Variants in EPHA6 observed in about 807,000 individuals in gnomAD.
The protein encoded by EPHA6 is EPH receptor A6, also known as ephrin type-A receptor 6.
Under a neutral mutation model 112.0 loss-of-function variants are expected in EPHA6, and 50 were observed. The observed-to-expected ratio is 0.45, with a 90% CI of 0.36 to 0.56. The LOEUF (loss-of-function observed/expected upper bound fraction) is 0.56. Ranked by LOEUF, EPHA6 falls within the 20% of genes least tolerant of loss-of-function variation. The probability of loss-of-function intolerance (pLI) is 0.00; values close to 1 mark genes in which losing one functional copy is unlikely to be tolerated. For missense variants in EPHA6, 1,280 were observed against 1,417.4 expected (o/e 0.90, Z 1.56); for synonymous variants, 529 against 490.7 (o/e 1.08, Z -1.03).
intron 3 of EPHA6, among the ~76,000 whole-genome samples, chr3:97,106,061 C>G (rs774624327): frequency 4.0e-5 from 6 of 151,882 alleles, no homozygotes; most frequent in Non-Finnish European, 7.4e-5. Context: ...TGAGATGGGT[C>G]TTTTGAACAC....
At chr3:97,243,871 T>C in intron 4 of EPHA6, 81 bp from the exon 5 acceptor site, 1 of 1,035,396 alleles carries the variant, frequency 9.7e-7, no homozygotes, top group South Asian at 1.7e-5. Context: ...GCAACAAGTG[T>C]TTATTGATGA....
intron 5 of EPHA6, among the ~76,000 whole-genome samples, chr3:97,330,123 G>A (rs1576992394): frequency 6.6e-6 from 1 of 151,830 alleles, no homozygotes; most frequent in African/African-American, 2.4e-5. Flanking sequence ...AGATCAGATG[G>A]TTGTAGATAT....
chr3:96,920,048 A>G (rs1356638473), intron 2 of EPHA6, among the ~76,000 whole-genome samples: 5 of 151,968 alleles, frequency 3.3e-5, no homozygotes, highest in Admixed American at 1.3e-4. Flanking sequence ...CTTAAAGACT[A>G]CTGAAAATAC....
chr3:97,169,727 T>C (rs2076640592), intron 3 of EPHA6, among the ~76,000 whole-genome samples: 1 of 152,204 alleles, frequency 6.6e-6, no homozygotes, highest in Non-Finnish European at 1.5e-5. Flanking sequence ...TTCCTTTTTC[T>C]CATTTTACCT....
intron 11 of EPHA6, among the ~76,000 whole-genome samples, chr3:97,555,396 G>T (rs2093091640): frequency 6.6e-6 from 1 of 152,074 alleles, no homozygotes; most frequent in Non-Finnish European, 1.5e-5. Flanking sequence ...ACATACGTGT[G>T]CATGTGTCTT....
chr3:96,885,678 G>GT (rs1291060234), intron 2 of EPHA6, among the ~76,000 whole-genome samples: 4 of 151,388 alleles, frequency 2.6e-5, no homozygotes, highest in African/African-American at 7.3e-5. Context: ...AAGAACCAGG[G>GT]TTTTTTTTCA....
intron 11 of EPHA6, among the ~76,000 whole-genome samples, chr3:97,543,346 T>A (rs1014638984): frequency 6.6e-6 from 1 of 152,180 alleles, no homozygotes; most frequent in Non-Finnish European, 1.5e-5. Context: ...ATTTATTAAA[T>A]AGGGAATCCT....
chr3:97,666,026 C>A (rs2030060255), intron 14 of EPHA6, among the ~76,000 whole-genome samples: 1 of 149,460 alleles, frequency 6.7e-6, no homozygotes, highest in Admixed American at 6.7e-5. Flanking sequence ...CGTTACACTC[C>A]AGCTGGGGAG....
intron 4 of EPHA6, among the ~76,000 whole-genome samples, chr3:97,235,991 C>A (rs1453452316): frequency 3.3e-5 from 5 of 151,806 alleles, no homozygotes; most frequent in Admixed American, 3.3e-4. Flanking sequence ...AAAAAGAAAG[C>A]TGAATGTTTT....
At chr3:97,481,544 G>C (rs1013119685) in intron 9 of EPHA6, 6 of 768,570 alleles carry the variant, frequency 7.8e-6, no homozygotes. Context: ...GGGGTCCCTA[G>C]AGCCGCCGGG....
intron 4 of EPHA6, among the ~76,000 whole-genome samples, chr3:97,232,673 T>C (rs1192975425): frequency 6.6e-6 from 1 of 152,268 alleles, no homozygotes; most frequent in East Asian, 1.9e-4. Context: ...TGAAAGTTTA[T>C]TAAAATGTTT....
At chr3:96,924,128 T>C (rs1433521996) in intron 2 of EPHA6, among the ~76,000 whole-genome samples, 1 of 152,204 alleles carries the variant, frequency 6.6e-6, no homozygotes, top group Non-Finnish European at 1.5e-5. Flanking sequence ...CCATTTGGGC[T>C]CTTTTTAAAG....
intron 3 of EPHA6, among the ~76,000 whole-genome samples, chr3:97,045,384 G>A (rs955915096): frequency 1.4e-4 from 22 of 151,910 alleles, no homozygotes; most frequent in Non-Finnish European, 2.9e-4. Context: ...TAAAATTGCC[G>A]TAAATAGCAT....
intron 11 of EPHA6, among the ~76,000 whole-genome samples, chr3:97,555,300 G>A (rs1470476761): frequency 1.3e-5 from 2 of 152,058 alleles, no homozygotes; most frequent in East Asian, 3.9e-4. Context: ...TGGTGTATAT[G>A]TGCCACATTT....
chr3:97,445,049 C>T (rs1286280492), intron 6 of EPHA6, among the ~76,000 whole-genome samples: 2 of 152,012 alleles, frequency 1.3e-5, no homozygotes, highest in Non-Finnish European at 2.9e-5. Context: ...CAGTGCTCTA[C>T]GTTCACACTA....
intron 5 of EPHA6, among the ~76,000 whole-genome samples, chr3:97,347,831 A>G (rs2083605393): frequency 6.6e-6 from 1 of 152,066 alleles, no homozygotes; most frequent in East Asian, 1.9e-4. Flanking sequence ...TCTGGCAAGT[A>G]CATTTTCACA....
Position 97,064,306 on chromosome 3 carries a change from A to G in EPHA6, c.1114+76313A>G, listed in dbSNP as rs1051803220. ...TGAGGTAAATAATATAAAGTGATCAATGATTACACGTGTGCTCCTGTCAGA... is the reference window on the plus strand; with the variant it reads ...TGAGGTAAATAATATAAAGTGATCAGTGATTACACGTGTGCTCCTGTCAGA... On this transcript the variant is annotated intron_variant, in intron 3 of 17. Coordinates refer to ENST00000389672, the MANE Select transcript of EPHA6 (RefSeq NM_001080448.3). 1.3e-4 allele frequency among the ~76,000 whole-genome samples: 20 copies of G among 152,278 alleles called. 1 individual carries two copies. Among genetic ancestry groups the G allele is most frequent in the African/African-American group, 4.8e-4 (20 of 41,572 alleles).
At chr3:97,501,649 A>C (rs1183499175) in intron 10 of EPHA6, among the ~76,000 whole-genome samples, 1 of 152,090 alleles carries the variant, frequency 6.6e-6, no homozygotes, top group Non-Finnish European at 1.5e-5. Flanking sequence ...AGTGAAAAAA[A>C]CTACATCTTA....
At chr3:97,668,911 CAAAAAAAAAAAAAAAAA>C (rs397990599) in intron 14 of EPHA6, among the ~76,000 whole-genome samples, 2 of 31,914 alleles carry the variant, frequency 6.3e-5, no homozygotes, top group African/African-American at 1.2e-4. Flanking sequence ...GACTCTGTCT[CAAAAAAAAAAAAAAAAA>C]AAAAAAAAAA....
Sources: allele counts gnomAD v4.1 joint callset (sites outside exome capture counted in the v4.1 genomes callset), GRCh38; gene constraint gnomAD v4.1.1; transcripts MANE v1.5; gene names NCBI Gene and HGNC (gene_info 2026-07-23, HGNC 2026-07-21).